JPT1: variants seen among roughly 807,000 people sequenced by gnomAD.
JPT1 encodes the protein androgen-regulated protein 2.
In JPT1, 5 loss-of-function variants were observed where a neutral mutation model predicts 17.0. The ratio of observed to expected loss-of-function variants is 0.29; its 90% CI spans 0.15 to 0.62. The LOEUF is 0.62. JPT1 is among the 20% of genes least tolerant of loss of function. The pLI is 0.85. For synonymous variants in JPT1, 71 were observed against 73.6 expected (o/e 0.96, Z 0.18); for missense variants, 158 against 188.1 (o/e 0.84, Z 0.94).
At chr17:75,144,867 T>C (rs1404984202) in intron 4 of JPT1, among the ~76,000 whole-genome samples, 1 of 151,634 alleles carries the variant, frequency 6.6e-6, no homozygotes, top group East Asian at 1.9e-4. Flanking sequence ...TGATGATTGT[T>C]GTGGTGTGAA....
chr17:75,142,606 A>AG, intron 4 of JPT1: 2 of 208,040 alleles, frequency 9.6e-6, no homozygotes, highest in Non-Finnish European at 1.8e-5. Context: ...AGGGAGGGGA[A>AG]GGGGGAGAGA....
At chr17:75,140,752 C>T (rs1295929999) in intron 4 of JPT1, among the ~76,000 whole-genome samples, 1 of 151,918 alleles carries the variant, frequency 6.6e-6, no homozygotes, top group East Asian at 1.9e-4. Context: ...CAACATGAAC[C>T]CAGGACCAGC....
intron 4 of JPT1, among the ~76,000 whole-genome samples, chr17:75,142,517 C>T (rs1438038386): frequency 6.8e-6 from 1 of 147,436 alleles, no homozygotes; most frequent in Non-Finnish European, 1.5e-5. Flanking sequence ...CGTGATCGTG[C>T]CACTACACTC....
chr17:75,141,716 T>TA (rs920740442), intron 4 of JPT1, among the ~76,000 whole-genome samples: 3 of 149,582 alleles, frequency 2.0e-5, no homozygotes, highest in African/African-American at 4.9e-5. Context: ...AGAAAGGACT[T>TA]AGGAGTTTGC....
At chr17:75,140,563 G>C (rs1234074323) in intron 4 of JPT1, among the ~76,000 whole-genome samples, 1 of 152,150 alleles carries the variant, frequency 6.6e-6, no homozygotes. Context: ...AGCCATTCCT[G>C]CGTTTAATTG....
At chr17:75,152,283 A>G (rs2074566514) in intron 1 of JPT1, among the ~76,000 whole-genome samples, 1 of 152,226 alleles carries the variant, frequency 6.6e-6, no homozygotes, top group Non-Finnish European at 1.5e-5. Flanking sequence ...TGTACTGTAA[A>G]TAGCAATTTT....
intron 4 of JPT1, among the ~76,000 whole-genome samples, chr17:75,143,042 C>T (rs1216198813): frequency 1.3e-5 from 2 of 152,098 alleles, no homozygotes; most frequent in Non-Finnish European, 2.9e-5. Context: ...TTTACCTGCC[C>T]AGGGCAGGAC....
chr17:75,154,437 G>A lies in JPT1; in HGVS notation c.-40C>T, dbSNP rs1455739768. On this transcript the variant is annotated 5_prime_UTR_variant, in exon 1 of 5. Transcript: ENST00000409753. Reference sequence around the variant, plus strand: ...AGGTAGGCTGGCGCCGGAGCAGAACGCTCAAAGGGTCGGACCCGAGGGGCG... The same window carrying A: ...AGGTAGGCTGGCGCCGGAGCAGAACACTCAAAGGGTCGGACCCGAGGGGCG... 1.3e-6 allele frequency: 2 copies of A among 1,539,990 alleles called. No homozygotes were observed. The highest frequency in any genetic ancestry group is 2.4e-5 in the South Asian group (2 of 83,658).
intron 1 of JPT1, chr17:75,149,301 G>A: frequency 3.2e-6 from 1 of 316,764 alleles, no homozygotes; most frequent in Non-Finnish European, 6.2e-6. Flanking sequence ...GCTGCAGTGA[G>A]CTGTGTTCAC....
chr17:75,146,186 C>T lies in JPT1; in HGVS notation c.316+480G>A, dbSNP rs146727509. 3.4e-4 allele frequency among the ~76,000 whole-genome samples: 52 copies of T among 152,288 alleles called. 1 individual carries two copies. Among genetic ancestry groups the T allele is most frequent in the Non-Finnish European group, 5.3e-4 (36 of 68,034 alleles). On this transcript the variant is annotated intron_variant, in intron 4 of 4. Coordinates refer to ENST00000409753, the MANE Select transcript of JPT1 (RefSeq NM_016185.4). ...TTTATTTTTTTCAGGCAAGGTCTCA[C>T]TCTGTCACCCAGACTGGAGTATAAC...
rs893403512 is a variant in JPT1 at position 75,135,722 on chromosome 17, G to A, written c.*380C>T. On this transcript the variant is annotated 3_prime_UTR_variant, in exon 5 of 5. Coordinates refer to ENST00000409753, the MANE Select transcript of JPT1 (RefSeq NM_016185.4). ...AGAGACTCCCTGTGGGTTGGGGCCT[G>A]GCAGGAACGGTGCCTGTGGACTGTT... The A allele has an allele frequency of 7.6e-5, 20 of 261,674 alleles. No individual in the cohort carries two copies. Among genetic ancestry groups the A allele is most frequent in the Non-Finnish European group, 1.2e-4 (16 of 138,690 alleles). The allele number at this position is 261,674 out of a possible 1,614,324, so 16.2% of individuals were successfully genotyped here.
rs111348097 is a variant in JPT1 at position 75,149,430 on chromosome 17, C to T, written c.57-759G>A. 7.1e-3 allele frequency among the ~76,000 whole-genome samples: 1,076 copies of T among 152,206 alleles called. 10 individuals carry two copies. Among genetic ancestry groups the T allele is most frequent in the African/African-American group, 0.024 (1,011 of 41,536 alleles). On this transcript the variant is annotated intron_variant, in intron 1 of 4. Transcript: ENST00000409753. Reference sequence around the variant, plus strand: ...TCGCCCAGGCTGGAGTGCAGTGGCGCGATCTCAGCTCACTGCAAGCTCCAC... The same window carrying T: ...TCGCCCAGGCTGGAGTGCAGTGGCGTGATCTCAGCTCACTGCAAGCTCCAC...
chr17:75,147,544 T>C lies in JPT1; in HGVS notation c.297+12A>G. The C allele has an allele frequency of 6.3e-7, 1 of 1,593,122 alleles. No homozygotes were observed. On this transcript the variant is annotated intron_variant, in intron 3 of 4. Transcript: ENST00000409753. ...CCTGAAAGCCTTTCTGGCCTCATGC[T>C]GTCACACTGACCTTCAGATCTAAGA...
intron 3 of JPT1, 22 bp from the exon 4 acceptor site, chr17:75,146,706 A>G (rs1455612226): frequency 2.7e-6 from 4 of 1,455,098 alleles, no homozygotes; most frequent in Non-Finnish European, 3.8e-6. Flanking sequence ...AAAAATTCAA[A>G]AATTTACTTC....
chr17:75,151,799 G>A (rs983756895), intron 1 of JPT1, among the ~76,000 whole-genome samples: 4 of 151,692 alleles, frequency 2.6e-5, no homozygotes, highest in African/African-American at 4.8e-5. Flanking sequence ...GAGAAAACCC[G>A]TCTCTACTAA....
chr17:75,135,867 T>C lies in JPT1; in HGVS notation c.*235A>G. On this transcript the variant is annotated 3_prime_UTR_variant, in exon 5 of 5. Coordinates refer to ENST00000409753, the MANE Select transcript of JPT1 (RefSeq NM_016185.4). The stretch of plus-strand genomic sequence containing the variant: ...CTTCTTAAAAACACAGTACTAAGTG[T>C]CACAAAGCTTTCCCTCCAATCTACT... The C allele has an allele frequency of 1.3e-6, 1 of 791,484 alleles. No homozygotes were observed. Among genetic ancestry groups the C allele is most frequent in the East Asian group, 2.6e-5 (1 of 37,784 alleles). 49.0% of individuals were successfully genotyped at this position (791,484 alleles called of 1,614,324 possible). A position where few individuals can be genotyped will look rare whatever the true frequency, so the allele number is the denominator to read the frequency against.
chr17:75,154,324 G>T lies in JPT1; in HGVS notation c.56+18C>A, dbSNP rs1205350887. ...CCCCTCAGCCCCGCGCGGCTCGGGC[G>T]CGACCCGGTCGCCTCACCGGGAGCT... On this transcript the variant is annotated intron_variant, in intron 1 of 4. Coordinates refer to ENST00000409753, the MANE Select transcript of JPT1 (RefSeq NM_016185.4). 1 of 1,539,306 alleles carries T rather than the reference G, an allele frequency of 6.5e-7. No homozygotes were observed. Among genetic ancestry groups the T allele is most frequent in the African/African-American group, 1.4e-5 (1 of 71,940 alleles).
chr17:75,151,785 CAT>C (rs1183971204), intron 1 of JPT1, among the ~76,000 whole-genome samples: 1 of 152,110 alleles, frequency 6.6e-6, no homozygotes, highest in African/African-American at 2.4e-5. Context: ...GCTGGACCAA[CAT>C]AGAGAAAACC....
In JPT1 at chr17:75,135,930, A is replaced by G; in HGVS notation, c.*172T>C. On this transcript the variant is annotated 3_prime_UTR_variant, in exon 5 of 5. Coordinates refer to ENST00000409753, the MANE Select transcript of JPT1 (RefSeq NM_016185.4). Reference sequence around the variant, plus strand: ...TCATGCCATGGCCCACAGACCCAAGAGTCAAGGACAGAGAGAAACCTGTTC... The same window carrying G: ...TCATGCCATGGCCCACAGACCCAAGGGTCAAGGACAGAGAGAAACCTGTTC... 10 of 1,424,244 alleles carry G rather than the reference A, an allele frequency of 7.0e-6. No individual in the cohort carries two copies. Among genetic ancestry groups the G allele is most frequent in the Non-Finnish European group, 9.6e-6 (10 of 1,046,738 alleles). 88.2% of individuals were successfully genotyped at this position (1,424,244 alleles called of 1,614,324 possible).
Sources: gnomAD v4.1 joint callset for allele counts (sites outside exome capture counted in the v4.1 genomes callset) on GRCh38, gnomAD v4.1.1 for gene constraint, MANE v1.5 for transcripts, NCBI Gene and HGNC (gene_info 2026-07-23, HGNC 2026-07-21) for gene names.